Variants in MDFIC2 observed in about 807,000 individuals in gnomAD.
MDFIC2 encodes myoD family inhibitor domain-containing protein 2.
At chr3:70,210,258 T>C (rs1701330316) in intron 2 of MDFIC2, among the ~76,000 whole-genome samples, 11 of 152,174 alleles carry the variant, frequency 7.2e-5, no homozygotes, top group Admixed American at 7.2e-4. Flanking sequence ...CACACTAGGC[T>C]TGTACTGAGA....
At chr3:70,256,629 G>A (rs1315848328) in intron 2 of MDFIC2, among the ~76,000 whole-genome samples, 4 of 152,124 alleles carry the variant, frequency 2.6e-5, no homozygotes, top group African/African-American at 7.2e-5. Flanking sequence ...GTAAATAATG[G>A]GAAAGGAAAT....
intron 2 of MDFIC2, among the ~76,000 whole-genome samples, chr3:70,236,035 A>G (rs1162774483): frequency 1.3e-5 from 2 of 152,218 alleles, no homozygotes; most frequent in African/African-American, 4.8e-5. Context: ...GAGCAAATGC[A>G]TCATTCTACT....
At chr3:70,269,959 G>C (rs1472490709) in intron 2 of MDFIC2, among the ~76,000 whole-genome samples, 1 of 152,016 alleles carries the variant, frequency 6.6e-6, no homozygotes, top group Non-Finnish European at 1.5e-5. Context: ...AAAAGAAAAT[G>C]ATCCTCAAAT....
At chr3:70,202,551 A>T (rs922921349) in intron 3 of MDFIC2, among the ~76,000 whole-genome samples, 1 of 152,182 alleles carries the variant, frequency 6.6e-6, no homozygotes, top group Non-Finnish European at 1.5e-5. Flanking sequence ...ATCCTGGCAC[A>T]GGCTCTAATC....
intron 2 of MDFIC2, among the ~76,000 whole-genome samples, chr3:70,207,464 C>T (rs184958867): frequency 6.8e-4 from 103 of 152,056 alleles, no homozygotes; most frequent in African/African-American, 2.0e-3. Context: ...GAATTTCTAG[C>T]GAAGTTCTTG....
At chr3:70,239,256 T>C (rs1165557691) in intron 2 of MDFIC2, among the ~76,000 whole-genome samples, 1 of 152,270 alleles carries the variant, frequency 6.6e-6, no homozygotes, top group Middle Eastern at 3.4e-3. Flanking sequence ...GTTATCTTGA[T>C]TTCAAAGATT....
chr3:70,197,734 C>T (rs1701195967), intron 3 of MDFIC2, among the ~76,000 whole-genome samples: 2 of 152,192 alleles, frequency 1.3e-5, no homozygotes, highest in South Asian at 2.1e-4. Context: ...AAAATAATCA[C>T]AGCTTTTGGG....
chr3:70,267,431 C>T (rs192001886), intron 2 of MDFIC2, among the ~76,000 whole-genome samples: 42 of 116,204 alleles, frequency 3.6e-4, no homozygotes, highest in African/African-American at 1.3e-3. Context: ...GAGCGGGAGT[C>T]TCGCTCTGTC....
chr3:70,202,131 C>G (rs1220668637), intron 3 of MDFIC2, among the ~76,000 whole-genome samples: 2 of 152,088 alleles, frequency 1.3e-5, no homozygotes, highest in Non-Finnish European at 2.9e-5. Context: ...AGTGGTCTAT[C>G]TGATAGTGAT....
Position 70,308,570 on chromosome 3 carries a change from A to G in MDFIC2, c.88+3316T>C, listed in dbSNP as rs563228858. On this transcript the variant is annotated intron_variant, in intron 2 of 3. Transcript: ENST00000567252. Reference sequence around the variant, plus strand: ...GAACAGGCCCATGACCCATTTGGGGAAAGTCAAGGGCAATTAGGAGCCTCT... The same window carrying G: ...GAACAGGCCCATGACCCATTTGGGGGAAGTCAAGGGCAATTAGGAGCCTCT... 5.3e-5 allele frequency among the ~76,000 whole-genome samples: 8 copies of G among 152,232 alleles called. No individual in the cohort carries two copies. The East Asian group carries it at 1.4e-3, about 26-fold the overall frequency.
chr3:70,235,001 A>T (rs555055478), intron 2 of MDFIC2, among the ~76,000 whole-genome samples: 1 of 152,222 alleles, frequency 6.6e-6, no homozygotes, highest in South Asian at 2.1e-4. Flanking sequence ...GATGATTCTA[A>T]TGTGTAGCCA....
intron 2 of MDFIC2, among the ~76,000 whole-genome samples, chr3:70,290,360 G>C (rs1021215240): frequency 3.3e-5 from 5 of 152,190 alleles, no homozygotes; most frequent in Non-Finnish European, 7.3e-5. Context: ...GTGCCTCCCA[G>C]TTAGGCTGCT....
At position 70,206,628 on chromosome 3, in the gene MDFIC2, C is replaced by G; in HGVS notation, c.251G>C (p.Cys84Ser). 1 of 397,842 alleles carries G rather than the reference C, an allele frequency of 2.5e-6. No homozygotes were observed. The highest frequency in any genetic ancestry group is 4.4e-6 in the Non-Finnish European group (1 of 225,546). 24.6% of individuals were successfully genotyped at this position (397,842 alleles called of 1,614,324 possible). Residue 84 changes from cysteine (C) to serine (S), a missense_variant, in exon 3 of 4, where the codon TGC becomes TCC. Transcript: ENST00000567252. ...SSTSLSSLEE[C>S]QTTFSYLQTD... ...TTGGAGGTAAGAAAATGTTGTTTGG[C>G]ATTCTTCAAGGGAGGACAGTGATGT...
chr3:70,266,527 C>G (rs552360633), intron 2 of MDFIC2, among the ~76,000 whole-genome samples: 17 of 152,166 alleles, frequency 1.1e-4, no homozygotes, highest in Admixed American at 7.8e-4. Context: ...CTCAAGTGAT[C>G]CAGAGTCCTG....
chr3:70,279,095 A>C (rs960965443), intron 2 of MDFIC2, among the ~76,000 whole-genome samples: 1 of 149,724 alleles, frequency 6.7e-6, no homozygotes, highest in Non-Finnish European at 1.5e-5. Context: ...CTGACTTCCA[A>C]ATGACATACT....
intron 2 of MDFIC2, among the ~76,000 whole-genome samples, chr3:70,228,414 G>A (rs1026626186): frequency 5.3e-5 from 8 of 151,622 alleles, no homozygotes; most frequent in Non-Finnish European, 8.8e-5. Flanking sequence ...TATGACTGAC[G>A]TTAGGCTGCC....
chr3:70,237,999 T>TTTTTTTTTTTTA (rs1701628589), intron 2 of MDFIC2, among the ~76,000 whole-genome samples: 1 of 142,356 alleles, frequency 7.0e-6, no homozygotes, highest in Non-Finnish European at 1.5e-5. Context: ...TTTTTTTTTT[T>TTTTTTTTTTTTA]TTTTTTGCCT....
At chr3:70,247,801 AAC>A (rs1421003480) in intron 2 of MDFIC2, among the ~76,000 whole-genome samples, 4 of 152,014 alleles carry the variant, frequency 2.6e-5, no homozygotes, top group Middle Eastern at 3.2e-3. Context: ...CAAGGTTTCA[AAC>A]ACACAAAATA....
intron 2 of MDFIC2, among the ~76,000 whole-genome samples, chr3:70,266,915 C>T (rs1575610490): frequency 6.6e-6 from 1 of 152,204 alleles, no homozygotes; most frequent in African/African-American, 2.4e-5. Context: ...AAGGCATGGC[C>T]TGGCAATGGG....
Sources: allele counts gnomAD v4.1 joint callset (sites outside exome capture counted in the v4.1 genomes callset), GRCh38; gene constraint gnomAD v4.1.1; transcripts MANE v1.5; gene names NCBI Gene and HGNC (gene_info 2026-07-23, HGNC 2026-07-21).